The following STAT3 variants were observed in gnomAD, a reference collection of about 807,000 sequenced individuals.
The protein encoded by STAT3 is DNA-binding protein APRF.
A neutral mutation model predicts 114.3 loss-of-function variants in STAT3; 7 were observed. That is an observed-to-expected ratio of 0.06 (90% confidence interval 0.03 to 0.11). STAT3 has a LOEUF of 0.11. STAT3 is among the 10% of genes least tolerant of loss of function. The pLI, the probability that STAT3 is intolerant of heterozygous loss-of-function variation, is 1.00. For missense variants in STAT3, 364 were observed against 960.9 expected (o/e 0.38, Z 8.21); for synonymous variants, 331 against 354.5 (o/e 0.93, Z 0.74).
intron 1 of STAT3, among the ~76,000 whole-genome samples, chr17:42,367,463 C>T (rs937413027): frequency 6.6e-6 from 1 of 152,122 alleles, no homozygotes; most frequent in Non-Finnish European, 1.5e-5. Context: ...CTCTCTTTGC[C>T]TCCTTCCCTA....
chr17:42,346,493 A>T, intron 3 of STAT3, 76 bp downstream of exon 3: 1 of 1,599,008 alleles, frequency 6.3e-7, no homozygotes, highest in Non-Finnish European at 8.6e-7. Context: ...ATGAGAAAAG[A>T]GATGCTTCCA....
chr17:42,323,676 A>T, intron 17 of STAT3, 51 bp from the exon 18 acceptor site: 1 of 1,572,798 alleles, frequency 6.4e-7, no homozygotes, highest in Non-Finnish European at 8.7e-7. Context: ...TGGGGTCAAG[A>T]GGTTATTTCT....
intron 4 of STAT3, among the ~76,000 whole-genome samples, chr17:42,342,300 T>C (rs561373678): frequency 6.6e-6 from 1 of 152,186 alleles, no homozygotes; most frequent in South Asian, 2.1e-4. Flanking sequence ...CTGGCCAATA[T>C]GGTGAAACCC....
intron 10 of STAT3, 82 bp from the exon 11 acceptor site, chr17:42,331,613 T>C: frequency 1.7e-6 from 2 of 1,180,250 alleles, no homozygotes; most frequent in Admixed American, 3.7e-5. Context: ...AAATTCATAA[T>C]TCTTCATTTC....
At chr17:42,334,439 C>CTTTTTT (rs56055491) in intron 8 of STAT3, among the ~76,000 whole-genome samples, 1 of 70,220 alleles carries the variant, frequency 1.4e-5, no homozygotes, top group Non-Finnish European at 2.9e-5. Context: ...TGCGCCTGGC[C>CTTTTTT]TTTTTTTTTT....
At position 42,358,933 on chromosome 17, in the gene STAT3, C is replaced by CTTTTT. The variant is rs35099574; in HGVS notation, c.-23-10399_-23-10395dup. On this transcript the variant is annotated intron_variant, in intron 1 of 23. Coordinates refer to ENST00000264657, the MANE Select transcript of STAT3 (RefSeq NM_139276.3). ...GTCTCCCTTTCATGGACATTTCTTACTTTTTTTTTTTTTTTTTTTGAGATG... is the reference window on the plus strand; with the variant it reads ...GTCTCCCTTTCATGGACATTTCTTACTTTTTTTTTTTTTTTTTTTTTTTTGAGATG... Among the ~76,000 whole-genome samples the CTTTTT allele has an allele frequency of 2.4e-4, 24 of 100,450 alleles. 1 individual carries two copies. The highest frequency in any genetic ancestry group is 3.6e-4 in the Admixed American group (3 of 8,276). 65.9% of individuals were successfully genotyped at this position (100,450 alleles called of 152,430 possible). A position where few individuals can be genotyped will look rare whatever the true frequency, so the allele number is the denominator to read the frequency against.
intron 1 of STAT3, among the ~76,000 whole-genome samples, chr17:42,358,035 C>T (rs1246505374): frequency 6.6e-6 from 1 of 152,008 alleles, no homozygotes; most frequent in Non-Finnish European, 1.5e-5. Context: ...AAACCAATGA[C>T]GATCAAGCTT....
Position 42,346,692 on chromosome 17 carries a change from T to G in STAT3, c.150A>C (p.Glu50Asp). ...TATGAAACACCAAAGTGGCATGTGA[T>G]TCTTTGCTGGCCGCATATGCCCTAG... ...SQDWAYAASK[E>D]SHATLVFHNL... The change falls in exon 3 of 24, where the codon GAA (glutamate) becomes GAC (aspartate). Residue 50 changes from glutamate to aspartate, a missense_variant. By Grantham distance (45) the Glu-to-Asp change is conservative. Coordinates refer to ENST00000264657, the MANE Select transcript of STAT3 (RefSeq NM_139276.3). 1 of 1,614,142 alleles carries G rather than the reference T, an allele frequency of 6.2e-7. No individual in the cohort carries two copies. Among genetic ancestry groups the G allele is most frequent in the East Asian group, 2.2e-5 (1 of 44,878 alleles).
At position 42,388,281 on chromosome 17, in the gene STAT3, G is replaced by A; in HGVS notation, c.-26C>T. 1 of 1,231,728 alleles carries A rather than the reference G, an allele frequency of 8.1e-7. No homozygotes were observed. The highest frequency in any genetic ancestry group is 1.0e-6 in the Non-Finnish European group (1 of 987,986). The allele number at this position is 1,231,728 out of a possible 1,614,324, so 76.3% of individuals were successfully genotyped here. On this transcript the variant is annotated splice_region_variant and 5_prime_UTR_variant, in exon 1 of 24. Coordinates refer to ENST00000264657, the MANE Select transcript of STAT3 (RefSeq NM_139276.3). The stretch of plus-strand genomic sequence containing the variant: ...GCCCCACCCTGCACCCCCTTCACCT[G>A]TTTCTCCGGCAGAGGCCGAGAGGCC...
chr17:42,338,668 T>G, intron 6 of STAT3, 63 bp downstream of exon 6: 7 of 1,488,830 alleles, frequency 4.7e-6, no homozygotes, highest in Non-Finnish European at 5.6e-6. Context: ...GACAAATGAG[T>G]CTTTCAACTC....
chr17:42,325,689 C>G (rs1033886956), intron 15 of STAT3, among the ~76,000 whole-genome samples: 1 of 152,090 alleles, frequency 6.6e-6, no homozygotes, highest in African/African-American at 2.4e-5. Flanking sequence ...CTCAGCCTCC[C>G]GAGTAGCTGG....
At chr17:42,353,497 T>C (rs542002520) in intron 1 of STAT3, among the ~76,000 whole-genome samples, 1 of 152,036 alleles carries the variant, frequency 6.6e-6, no homozygotes, top group African/African-American at 2.4e-5. Context: ...AAAGCGGTGG[T>C]TCTCCTAAAA....
chr17:42,322,014 G>A (rs551586093), intron 21 of STAT3, among the ~76,000 whole-genome samples: 16 of 151,912 alleles, frequency 1.1e-4, no homozygotes, highest in African/African-American at 2.4e-5. Context: ...TTGTAGAGAC[G>A]AGGTTTCACC....
chr17:42,348,261 T>A, intron 2 of STAT3, 128 bp downstream of exon 2: 1 of 1,369,638 alleles, frequency 7.3e-7, no homozygotes, highest in Non-Finnish European at 1.0e-6. Context: ...TATCTCCTGA[T>A]CTCATTTTCC....
At chr17:42,342,399 C>T (rs1468793451) in intron 4 of STAT3, among the ~76,000 whole-genome samples, 1 of 151,962 alleles carries the variant, frequency 6.6e-6, no homozygotes, top group Non-Finnish European at 1.5e-5. Flanking sequence ...ATGAGAATCG[C>T]TTGAACCTGA....
At chr17:42,382,901 C>T (rs768658574) in intron 1 of STAT3, among the ~76,000 whole-genome samples, 1 of 152,084 alleles carries the variant, frequency 6.6e-6, no homozygotes. Flanking sequence ...CCACAGCCTC[C>T]CAAAGTGCTG....
At chr17:42,356,636 G>C (rs2083245175) in intron 1 of STAT3, among the ~76,000 whole-genome samples, 1 of 151,098 alleles carries the variant, frequency 6.6e-6, no homozygotes, top group Non-Finnish European at 1.5e-5. Flanking sequence ...AAAGAGTATT[G>C]TGTTTGTTTG....
chr17:42,368,304 C>T (rs1290209133), intron 1 of STAT3, among the ~76,000 whole-genome samples: 3 of 152,172 alleles, frequency 2.0e-5, no homozygotes, highest in Non-Finnish European at 4.4e-5. Flanking sequence ...ACTCTCTTGT[C>T]CTCTAAAAGA....
At chr17:42,318,597 T>A (rs1477221348) in intron 21 of STAT3, among the ~76,000 whole-genome samples, 1 of 151,918 alleles carries the variant, frequency 6.6e-6, no homozygotes, top group Non-Finnish European at 1.5e-5. Context: ...CACCAAGAGG[T>A]CAAGGAACCT....
Sources: gnomAD v4.1 joint callset for allele counts (sites outside exome capture counted in the v4.1 genomes callset) on GRCh38, gnomAD v4.1.1 for gene constraint, MANE v1.5 for transcripts, NCBI Gene and HGNC (gene_info 2026-07-23, HGNC 2026-07-21) for gene names.